The following ESRRG variants were observed in gnomAD, a reference collection of about 807,000 sequenced individuals.
ESRRG encodes estrogen related receptor gamma, also known as estrogen-related receptor gamma.
Under a neutral mutation model 44.0 loss-of-function variants are expected in ESRRG, and 13 were observed. That is an observed-to-expected ratio of 0.30 (90% CI 0.19 to 0.47). The LOEUF (loss-of-function observed/expected upper bound fraction) is 0.47. Ranked by LOEUF, ESRRG falls within the 20% of genes least tolerant of loss-of-function variation. ESRRG has a pLI of 1.00. For missense variants in ESRRG, 395 were observed against 580.6 expected, an observed-to-expected ratio of 0.68 and a Z score of 3.29; for synonymous variants, 215 against 214.6, an observed-to-expected ratio of 1.00 and a Z score of -0.02.
intron 2 of ESRRG, among the ~76,000 whole-genome samples, chr1:216,913,378 C>T (rs753424762): frequency 2.1e-5 from 3 of 140,642 alleles, no homozygotes; most frequent in Admixed American, 7.3e-5. Flanking sequence ...GGATTTCGGT[C>T]GGGGGTGGGG....
intron 2 of ESRRG, among the ~76,000 whole-genome samples, chr1:216,927,110 G>C (rs1019342966): frequency 2.0e-5 from 3 of 152,146 alleles, no homozygotes; most frequent in Non-Finnish European, 2.9e-5. Context: ...TAACTCAAGA[G>C]TTCTGCCGTC....
At chr1:216,576,591 A>G (rs1001309952) in intron 3 of ESRRG, among the ~76,000 whole-genome samples, 2 of 152,066 alleles carry the variant, frequency 1.3e-5, no homozygotes, top group African/African-American at 4.8e-5. Context: ...ATAACCCCAA[A>G]GAAGTCTCTT....
chr1:216,790,816 A>ATC (rs1320654245), intron 2 of ESRRG, among the ~76,000 whole-genome samples: 6 of 152,154 alleles, frequency 3.9e-5, no homozygotes, highest in African/African-American at 1.4e-4. Context: ...GAGGACAGAT[A>ATC]TCTGCCTGAG....
chr1:216,751,768 G>A (rs1038935925), intron 2 of ESRRG, among the ~76,000 whole-genome samples: 1 of 152,062 alleles, frequency 6.6e-6, no homozygotes, highest in Non-Finnish European at 1.5e-5. Context: ...AGAATCATTG[G>A]TGATAACCTT....
At chr1:216,644,201 T>A (rs1480595870) in intron 3 of ESRRG, among the ~76,000 whole-genome samples, 1 of 152,160 alleles carries the variant, frequency 6.6e-6, no homozygotes, top group African/African-American at 2.4e-5. Flanking sequence ...CTTAATACCA[T>A]GTATTGTCTC....
intron 2 of ESRRG, among the ~76,000 whole-genome samples, chr1:216,667,255 T>C (rs183557100): frequency 3.9e-5 from 6 of 152,310 alleles, no homozygotes; most frequent in Non-Finnish European, 8.8e-5. Flanking sequence ...TAAGTATGCG[T>C]GTGTAAAGAG....
chr1:216,620,969 A>G (rs2062132528), intron 3 of ESRRG, among the ~76,000 whole-genome samples: 2 of 152,212 alleles, frequency 1.3e-5, no homozygotes, highest in Admixed American at 1.3e-4. Flanking sequence ...ATCAATATTG[A>G]CATCATGTTT....
At chr1:216,686,923 G>C (rs1425260132) in intron 1 of ESRRG, among the ~76,000 whole-genome samples, 2 of 152,132 alleles carry the variant, frequency 1.3e-5, no homozygotes, top group Non-Finnish European at 2.9e-5. Context: ...GTTAGACCTT[G>C]AGAGCAAGGA....
At chr1:216,998,330 G>T (rs1451286049) in intron 1 of ESRRG, among the ~76,000 whole-genome samples, 1 of 152,110 alleles carries the variant, frequency 6.6e-6, no homozygotes, top group Admixed American at 6.5e-5. Flanking sequence ...ATAGACAAAA[G>T]AAACTAAAAA....
chr1:216,928,955 C>T (rs958484962), intron 2 of ESRRG, among the ~76,000 whole-genome samples: 5 of 151,884 alleles, frequency 3.3e-5, no homozygotes, highest in South Asian at 2.1e-4. Context: ...AGGAGGAGAG[C>T]GGAAATGGGA....
intron 1 of ESRRG, among the ~76,000 whole-genome samples, chr1:217,078,978 A>G (rs933574385): frequency 2.6e-5 from 4 of 152,194 alleles, no homozygotes; most frequent in African/African-American, 7.2e-5. Flanking sequence ...GTAATGAGCT[A>G]TAGAGATGTT....
chr1:217,039,665 T>A (rs1183413812), intron 1 of ESRRG, among the ~76,000 whole-genome samples: 1 of 152,180 alleles, frequency 6.6e-6, no homozygotes, highest in Non-Finnish European at 1.5e-5. Flanking sequence ...TTTGGGTGAG[T>A]ACGCAGGGCC....
At chr1:217,031,853 C>A (rs555319665) in intron 1 of ESRRG, among the ~76,000 whole-genome samples, 4 of 152,294 alleles carry the variant, frequency 2.6e-5, no homozygotes, top group African/African-American at 7.2e-5. Context: ...TTTCCCTTTC[C>A]ACCATGATTG....
intron 1 of ESRRG, among the ~76,000 whole-genome samples, chr1:216,972,815 T>A (rs954844241): frequency 1.8e-4 from 28 of 152,212 alleles, no homozygotes; most frequent in Non-Finnish European, 3.2e-4. Flanking sequence ...TAAAAGCTTT[T>A]AAATTTTTAA....
chr1:217,091,482 A>G (rs1421404432), upstream of ESRRG, among the ~76,000 whole-genome samples: 3 of 152,254 alleles, frequency 2.0e-5, no homozygotes, highest in Non-Finnish European at 4.4e-5. Context: ...GTCACAGTCC[A>G]AGAATCATTC....
intron 3 of ESRRG, among the ~76,000 whole-genome samples, chr1:216,601,993 G>T (rs970754660): frequency 6.6e-6 from 1 of 152,136 alleles, no homozygotes; most frequent in African/African-American, 2.4e-5. Context: ...GGCTTAAAAT[G>T]GTTGAATGAC....
At chr1:216,842,393 C>A (rs886980827) in intron 2 of ESRRG, among the ~76,000 whole-genome samples, 9 of 152,026 alleles carry the variant, frequency 5.9e-5, no homozygotes, top group Admixed American at 2.6e-4. Flanking sequence ...ACCAAGGGAG[C>A]CTATTAGGAA....
chr1:216,535,762 C>T (rs1449186847), intron 5 of ESRRG, among the ~76,000 whole-genome samples: 1 of 152,094 alleles, frequency 6.6e-6, no homozygotes, highest in African/African-American at 2.4e-5. Flanking sequence ...AATCTTACTT[C>T]CATACTGGCT....
chr1:216,605,790 A>G (rs971743171), intron 3 of ESRRG, among the ~76,000 whole-genome samples: 1 of 152,054 alleles, frequency 6.6e-6, no homozygotes, highest in East Asian at 1.9e-4. Context: ...GAAACTATGA[A>G]AGAGAAAAGT....
Sources: gnomAD v4.1 joint callset for allele counts (sites outside exome capture counted in the v4.1 genomes callset) on GRCh38, gnomAD v4.1.1 for gene constraint, MANE v1.5 for transcripts, NCBI Gene and HGNC (gene_info 2026-07-23, HGNC 2026-07-21) for gene names.